The following VWA3B variants were observed in gnomAD, a reference collection of about 807,000 sequenced individuals.
The protein encoded by VWA3B is von Willebrand factor A domain containing 3B.
In VWA3B, 138 loss-of-function variants were observed where a neutral mutation model predicts 158.3. The ratio of observed to expected loss-of-function variants is 0.87; its 90% CI spans 0.76 to 1.00. The LOEUF (loss-of-function observed/expected upper bound fraction) is 1.00. VWA3B is among the 50% of genes least tolerant of loss of function. The pLI, the probability that VWA3B is intolerant of heterozygous loss-of-function variation, is 0.00. For missense variants in VWA3B, 1,555 were observed against 1,565.1 expected (o/e 0.99, Z 0.11); for synonymous variants, 596 against 587.3 (o/e 1.01, Z -0.21).
intron 6 of VWA3B, among the ~76,000 whole-genome samples, chr2:98,129,181 GGAGAGAGAGAGT>G (rs1270293472): frequency 4.0e-5 from 6 of 150,962 alleles, no homozygotes; most frequent in Non-Finnish European, 7.4e-5. Context: ...CTCACACGGT[GGAGAGAGAGAGT>G]GAGAGAGAGA....
chr2:98,319,172 A>G, the VWA3B span, among the ~76,000 whole-genome samples: 1 of 152,146 alleles, frequency 6.6e-6, no homozygotes, highest in Non-Finnish European at 1.5e-5. Flanking sequence ...ATAAAATTAG[A>G]TCCATGCCTC....
At chr2:98,177,545 A>G (rs1455313598) in intron 8 of VWA3B, among the ~76,000 whole-genome samples, 3 of 151,998 alleles carry the variant, frequency 2.0e-5, no homozygotes, top group African/African-American at 7.2e-5. Flanking sequence ...TTAGCACTGG[A>G]AGTTAAAAGA....
At position 98,270,872 on chromosome 2, in the gene VWA3B, G is replaced by T. The variant is rs781309312; in HGVS notation, c.3034G>T (p.Ala1012Ser). The change falls in exon 22 of 28, where the codon GCC becomes TCC. Residue 1012 changes from alanine (A) to serine (S), a missense_variant. Ala to Ser is a moderately conservative substitution (Grantham distance 99, BLOSUM62 1). Transcript: ENST00000477737. ...EAAKKNYANK[A>S]PGEQQKLQGN... is the part of the protein sequence containing the mutation. ...TGCCAAGAAGAATTATGCAAACAAG[G>T]CCCCGGGAGAGGTGGGTGCCCTGGA... The T allele has an allele frequency of 5.0e-6, 8 of 1,613,846 alleles. No homozygotes were observed. In the Middle Eastern group the frequency reaches 5.0e-4, roughly 100 times the overall value.
chr2:98,197,232 A>G (rs184511105), intron 12 of VWA3B, among the ~76,000 whole-genome samples: 123 of 152,230 alleles, frequency 8.1e-4, no homozygotes, highest in Admixed American at 1.2e-3. Flanking sequence ...TCATTATTAG[A>G]TTGGGTTATG....
chr2:98,293,772 C>CA (rs1234495298), intron 23 of VWA3B, among the ~76,000 whole-genome samples: 1 of 151,936 alleles, frequency 6.6e-6, no homozygotes, highest in East Asian at 1.9e-4. Flanking sequence ...GTAGAAAATT[C>CA]AAAAAACGTA....
intron 26 of VWA3B, among the ~76,000 whole-genome samples, chr2:98,306,321 A>T (rs1011098410): frequency 5.3e-5 from 8 of 152,122 alleles, no homozygotes; most frequent in Non-Finnish European, 1.0e-4. Flanking sequence ...TCTGCCTCTG[A>T]ATCCCAGTTG....
At chr2:98,170,609 A>ATT (rs34549342) in intron 8 of VWA3B, among the ~76,000 whole-genome samples, 96 of 146,232 alleles carry the variant, frequency 6.6e-4, no homozygotes, top group East Asian at 3.6e-3. Flanking sequence ...AGTTAGGAAG[A>ATT]TTTTTTTTTT....
At chr2:98,218,702 T>C (rs74525384) in intron 14 of VWA3B, among the ~76,000 whole-genome samples, 7,196 of 152,322 alleles carry the variant, frequency 0.047, 256 homozygotes, top group Middle Eastern at 0.082. Flanking sequence ...GTGTGTGTTT[T>C]TTGTTTTATG....
At chr2:98,205,529 G>A (rs776724153) in intron 12 of VWA3B, among the ~76,000 whole-genome samples, 30 of 151,952 alleles carry the variant, frequency 2.0e-4, no homozygotes, top group Non-Finnish European at 3.1e-4. Context: ...ATTAATTTCT[G>A]TTCTTTATTA....
chr2:98,264,134 G>A (rs1238627612), intron 21 of VWA3B, among the ~76,000 whole-genome samples: 1 of 149,632 alleles, frequency 6.7e-6, no homozygotes, highest in Non-Finnish European at 1.5e-5. Context: ...TTTTTTCTTG[G>A]CTAGTCTAGC....
In VWA3B at chr2:98,157,603, A is replaced by G. The variant is rs928218087; in HGVS notation, c.989-5248A>G. ...AGTGTATTATATTTTTTAATGTTAT[A>G]TCGCTTTCTGAAAATAGAAGTATGT... On this transcript the variant is annotated intron_variant, in intron 7 of 27. Transcript: ENST00000477737. 3.9e-5 allele frequency among the ~76,000 whole-genome samples: 6 copies of G among 152,234 alleles called. No homozygotes were observed. In the East Asian group the frequency reaches 5.8e-4, roughly 15 times the overall value.
chr2:98,294,899 A>G (rs971174983), intron 23 of VWA3B, among the ~76,000 whole-genome samples: 1 of 152,234 alleles, frequency 6.6e-6, no homozygotes, highest in Non-Finnish European at 1.5e-5. Context: ...ATTTAAAACA[A>G]TGAAACCCTT....
At chr2:98,230,949 G>T (rs551302658) in intron 16 of VWA3B, among the ~76,000 whole-genome samples, 1 of 152,294 alleles carries the variant, frequency 6.6e-6, no homozygotes, top group Admixed American at 6.5e-5. Flanking sequence ...GTTCAGCAAG[G>T]TCTCTGGCTA....
At chr2:98,115,800 T>G in intron 3 of VWA3B, 54 bp downstream of exon 3, 1 of 1,433,464 alleles carries the variant, frequency 7.0e-7, no homozygotes, top group African/African-American at 1.4e-5. Flanking sequence ...TGACATCACA[T>G]CGGAGAGTGC....
chr2:98,131,718 G>T (rs1675885223), intron 6 of VWA3B, among the ~76,000 whole-genome samples: 1 of 152,148 alleles, frequency 6.6e-6, no homozygotes, highest in African/African-American at 2.4e-5. Flanking sequence ...ATGATACAGA[G>T]GCCAGGCTTC....
At chr2:98,237,684 A>G (rs1226090469) in intron 19 of VWA3B, among the ~76,000 whole-genome samples, 1 of 152,222 alleles carries the variant, frequency 6.6e-6, no homozygotes, top group African/African-American at 2.4e-5. Flanking sequence ...GAACATGAAG[A>G]CGGAACCTCA....
At chr2:98,149,258 C>T (rs1234550730) in intron 7 of VWA3B, among the ~76,000 whole-genome samples, 1 of 152,118 alleles carries the variant, frequency 6.6e-6, no homozygotes, top group African/African-American at 2.4e-5. Context: ...TGGTGGAGGG[C>T]GTCCAGGTCC....
chr2:98,108,245 C>G (rs1673831314), intron 2 of VWA3B, among the ~76,000 whole-genome samples: 1 of 151,982 alleles, frequency 6.6e-6, no homozygotes, highest in African/African-American at 2.4e-5. Context: ...GGTTTCAGTT[C>G]TTGTAAAATG....
intron 2 of VWA3B, among the ~76,000 whole-genome samples, chr2:98,110,385 G>A (rs1674048082): frequency 6.6e-6 from 1 of 151,680 alleles, no homozygotes; most frequent in Non-Finnish European, 1.5e-5. Flanking sequence ...TTTCTTTACT[G>A]AGACTTCCTA....
Sources: gnomAD v4.1 joint callset for allele counts (sites outside exome capture counted in the v4.1 genomes callset) on GRCh38, gnomAD v4.1.1 for gene constraint, MANE v1.5 for transcripts, NCBI Gene and HGNC (gene_info 2026-07-23, HGNC 2026-07-21) for gene names.